ZC3H7B: variants seen among roughly 807,000 people sequenced by gnomAD.
ZC3H7B encodes the protein zinc finger CCCH-type containing 7B.
In ZC3H7B, 35 loss-of-function variants were observed where a neutral mutation model predicts 116.0. That is an observed-to-expected ratio of 0.30 (90% CI 0.23 to 0.40). The LOEUF (loss-of-function observed/expected upper bound fraction) is 0.40, where lower values mean the gene tolerates loss of function less well. ZC3H7B is among the 10% of genes least tolerant of loss of function. ZC3H7B has a pLI of 1.00. For synonymous variants in ZC3H7B, 502 were observed against 545.6 expected, an observed-to-expected ratio of 0.92 and a Z score of 1.11; for missense variants, 1,011 against 1,321.5, an observed-to-expected ratio of 0.77 and a Z score of 3.64.
chr22:41,317,664 G>T (rs1210335280), intron 1 of ZC3H7B, among the ~76,000 whole-genome samples: 1 of 152,060 alleles, frequency 6.6e-6, no homozygotes, highest in Non-Finnish European at 1.5e-5. Flanking sequence ...ATGTGTGGTG[G>T]TCCCAGCTAC....
chr22:41,310,206 C>T (rs2036100543), intron 1 of ZC3H7B, among the ~76,000 whole-genome samples: 1 of 152,026 alleles, frequency 6.6e-6, no homozygotes, highest in African/African-American at 2.4e-5. Flanking sequence ...CTCCGTAAAT[C>T]AACATTGAGT....
In ZC3H7B at chr22:41,357,183, G is replaced by A; in HGVS notation, c.2688G>A (p.Gln896=). 1 of 1,613,088 alleles carries A rather than the reference G, an allele frequency of 6.2e-7. No homozygotes were observed. Among genetic ancestry groups the A allele is most frequent in the Non-Finnish European group, 8.5e-7 (1 of 1,179,824 alleles). The change falls in exon 23 of 23, where the codon CAG becomes CAA. Residue 896 remains glutamine, a synonymous_variant. Coordinates refer to ENST00000352645, the MANE Select transcript of ZC3H7B (RefSeq NM_017590.6). This position sits in a 1 kb window ranked among gnomAD's most constrained non-coding sequence, Gnocchi z 5.4. ...AGCCTCCTGCCACCCACAGGCTCCAGAAGGGCAAAGCCTGCCCAGATGGGG... is the reference window on the plus strand; with the variant it reads ...AGCCTCCTGCCACCCACAGGCTCCAAAAGGGCAAAGCCTGCCCAGATGGGG... ...MGEFRLCDRL[Q]KGKACPDGDK...
At chr22:41,331,365 C>G (rs1375648753) in intron 6 of ZC3H7B, among the ~76,000 whole-genome samples, 1 of 149,102 alleles carries the variant, frequency 6.7e-6, no homozygotes, top group Non-Finnish European at 1.5e-5. Flanking sequence ...ACCATCCTGG[C>G]TAACGCAGTG....
At chr22:41,330,165 C>G in intron 6 of ZC3H7B, 62 bp downstream of exon 6, 1 of 1,572,638 alleles carries the variant, frequency 6.4e-7, no homozygotes, top group Non-Finnish European at 8.7e-7. Context: ...AAGGGAGGGA[C>G]CAGGCTCCGT....
rs758659694 is a variant in ZC3H7B at position 41,356,370 on chromosome 22, T to C, written c.2411T>C (p.Met804Thr). 4.3e-6 allele frequency: 7 copies of C among 1,614,064 alleles called. No homozygotes were observed. The Admixed American group carries it at 5.0e-5, about 12-fold the overall frequency. The part of the protein sequence containing the change: ...KILDMQQTYD[M>T]WLKKHNPGKP... Reference sequence around the variant, plus strand: ...CTGGACATGCAGCAGACCTATGACATGTGGCTGAAAAAACACAACCCAGGA... The same window carrying C: ...CTGGACATGCAGCAGACCTATGACACGTGGCTGAAAAAACACAACCCAGGA... Residue 804 changes from methionine (M) to threonine (T), a missense_variant, in exon 21 of 23, where the codon ATG becomes ACG. By Grantham distance (81) the Met-to-Thr change is moderately conservative. This residue lies in a region of ZC3H7B where 406 missense variants were observed against 590.2 expected (regional missense o/e 0.69). Transcript: ENST00000352645.
chr22:41,316,544 C>T (rs2036185802), intron 1 of ZC3H7B, among the ~76,000 whole-genome samples: 1 of 150,994 alleles, frequency 6.6e-6, no homozygotes, highest in South Asian at 2.1e-4. Context: ...GATCCACGCA[C>T]CTTGGCCTCC....
At chr22:41,356,317 G>A in intron 20 of ZC3H7B, 26 bp from the exon 21 acceptor site, 2 of 1,613,588 alleles carry the variant, frequency 1.2e-6, no homozygotes, top group African/African-American at 2.7e-5. Context: ...CCCTCAGCAG[G>A]TGCCCTGTCC....
intron 1 of ZC3H7B, among the ~76,000 whole-genome samples, chr22:41,306,865 CAG>C (rs2145893913): frequency 6.6e-6 from 1 of 152,122 alleles, no homozygotes; most frequent in African/African-American, 2.4e-5. Flanking sequence ...TGAGGTTATT[CAG>C]ACAGCAGCGG....
chr22:41,331,729 G>C (rs2036386866), intron 6 of ZC3H7B, among the ~76,000 whole-genome samples: 2 of 152,004 alleles, frequency 1.3e-5, no homozygotes, highest in African/African-American at 4.8e-5. Context: ...AAATTAGCCT[G>C]GTGTGGTGGT....
rs56378442 is a variant in ZC3H7B, at chr22:41,358,969, G to A, written c.*1540G>A. The A allele has an allele frequency of 2.8e-3, 432 of 154,840 alleles. 2 individuals carry two copies. The highest frequency in any genetic ancestry group is 3.8e-3 in the Non-Finnish European group (261 of 68,240). The allele number at this position is 154,840 out of a possible 1,614,324, so 9.6% of individuals were successfully genotyped here. ...TCTCAAGCAAGGATTGCCAGCGCGC[G>A]CTGACACAGTGATGGGCTGCCCAGG... On this transcript the variant is annotated 3_prime_UTR_variant, in exon 23 of 23. Transcript: ENST00000352645.
chr22:41,353,754 C>G (rs150911378), intron 17 of ZC3H7B, among the ~76,000 whole-genome samples: 1 of 152,224 alleles, frequency 6.6e-6, no homozygotes. Context: ...CCCACCACCT[C>G]GAGCATTCCC....
In ZC3H7B at chr22:41,357,205, G is replaced by C. The variant is rs1226001128; in HGVS notation, c.2710G>C (p.Gly904Arg). 1 of 1,613,434 alleles carries C rather than the reference G, an allele frequency of 6.2e-7. No homozygotes were observed. The highest frequency in any genetic ancestry group is 8.5e-7 in the Non-Finnish European group (1 of 1,179,976). ...RLQKGKACPD[G>R]DKCRCAHGQE... ...CCAGAAGGGCAAAGCCTGCCCAGAT[G>C]GGGACAAGTGCCGCTGCGCCCATGG... The change falls in exon 23 of 23, where the codon GGG becomes CGG. Residue 904 changes from glycine to arginine, a missense_variant. Physicochemically the swap from Gly to Arg is moderately radical, Grantham distance 125 (BLOSUM62 -2). This residue lies in a region of ZC3H7B where 406 missense variants were observed against 590.2 expected (regional missense o/e 0.69). Coordinates refer to ENST00000352645, the MANE Select transcript of ZC3H7B (RefSeq NM_017590.6). This position sits in a 1 kb window ranked among gnomAD's most constrained non-coding sequence, Gnocchi z 5.4.
chr22:41,338,468 C>A lies in ZC3H7B; in HGVS notation c.625+113C>A. On this transcript the variant is annotated intron_variant, in intron 8 of 22. Coordinates refer to ENST00000352645, the MANE Select transcript of ZC3H7B (RefSeq NM_017590.6). The surrounding 1 kb of genome is among the most constrained non-coding windows in gnomAD (Gnocchi z 4.5). The stretch of plus-strand genomic sequence containing the variant: ...GATGGGAGGGCCTCCGAGGGGTTCC[C>A]CACCCTGGTACTCCCTGAGGCATGG... The A allele has an allele frequency of 8.9e-7, 1 of 1,128,046 alleles. No homozygotes were observed. The highest frequency in any genetic ancestry group is 1.3e-6 in the Non-Finnish European group (1 of 771,170). 69.9% of individuals were successfully genotyped at this position (1,128,046 alleles called of 1,614,324 possible). A position where few individuals can be genotyped will look rare whatever the true frequency, so the allele number is the denominator to read the frequency against.
intron 1 of ZC3H7B, among the ~76,000 whole-genome samples, chr22:41,313,979 TCCTGA>T (rs1242695400): frequency 2.6e-5 from 4 of 151,630 alleles, no homozygotes; most frequent in Non-Finnish European, 4.4e-5. Context: ...GGTGTTGAAC[TCCTGA>T]CCTCAGGAGA....
At chr22:41,325,950 C>T in intron 4 of ZC3H7B, 32 bp downstream of exon 4, 1 of 1,570,328 alleles carries the variant, frequency 6.4e-7, no homozygotes, top group Non-Finnish European at 8.6e-7. Flanking sequence ...CTCTCCTCCT[C>T]TGCTGCCCTG....
rs1174279160 is a variant in ZC3H7B, at chr22:41,339,142, C to T, written c.767C>T (p.Ser256Leu). 8 of 1,613,002 alleles carry T rather than the reference C, an allele frequency of 5.0e-6. No homozygotes were observed. The highest frequency in any genetic ancestry group is 6.8e-6 in the Non-Finnish European group (8 of 1,179,582). ...AGCACCGACAGCCTGGATGACTTCTCAGACGGGGATGTCTTTGGCCCAGAG... is the reference window on the plus strand; with the variant it reads ...AGCACCGACAGCCTGGATGACTTCTTAGACGGGGATGTCTTTGGCCCAGAG... ...LPSTDSLDDFSDGDVFGPELD... is the reference protein window; with the variant it reads ...LPSTDSLDDFLDGDVFGPELD... The change falls in exon 9 of 23, where the codon TCA (serine) becomes TTA (leucine). Residue 256 changes from serine (S) to leucine (L), a missense_variant. Ser to Leu is a moderately radical substitution (Grantham distance 145, BLOSUM62 -2). Coordinates refer to ENST00000352645, the MANE Select transcript of ZC3H7B (RefSeq NM_017590.6).
chr22:41,307,381 A>T (rs936960001), intron 1 of ZC3H7B, among the ~76,000 whole-genome samples: 6 of 152,030 alleles, frequency 3.9e-5, no homozygotes, highest in African/African-American at 1.5e-4. Flanking sequence ...CATTCCCCCC[A>T]GGGAGACTGT....
rs543100319 is a variant in ZC3H7B, at chr22:41,302,692, G to A, written c.-7+920G>A. On this transcript the variant is annotated intron_variant, in intron 1 of 22. Transcript: ENST00000352645. This position sits in a 1 kb window ranked among gnomAD's most constrained non-coding sequence, Gnocchi z 5.7. ...TTAGGCGTTTATAAGGCGCCTGGTT[G>A]GGGGGACTTTCACAGACAAAGCCGT... is the stretch of plus-strand genomic sequence containing the variant. 3.5e-3 allele frequency among the ~76,000 whole-genome samples: 535 copies of A among 152,328 alleles called. 1 individual carries two copies. Among genetic ancestry groups the A allele is most frequent in the Non-Finnish European group, 5.6e-3 (380 of 68,026 alleles).
chr22:41,356,647 G>T lies in ZC3H7B; in HGVS notation c.2520G>T (p.Met840Ile). The T allele has an allele frequency of 6.2e-7, 1 of 1,613,354 alleles. No homozygotes were observed. Among genetic ancestry groups the T allele is most frequent in the Non-Finnish European group, 8.5e-7 (1 of 1,179,960 alleles). ...QMPTDYADIM[M>I]GYHCWLCGKN... ...ACCCATGATGGCTGTGCTCCCAGAT[G>T]GGCTACCACTGCTGGCTCTGCGGCA... Residue 840 changes from methionine (M) to isoleucine (I), a missense_variant and splice_region_variant, in exon 22 of 23, where the codon ATG becomes ATT. Met to Ile is a conservative substitution (Grantham distance 10). This residue lies in a region of ZC3H7B where 406 missense variants were observed against 590.2 expected (regional missense o/e 0.69). Transcript: ENST00000352645.
Sources: gnomAD v4.1 joint callset for allele counts (sites outside exome capture counted in the v4.1 genomes callset) on GRCh38, gnomAD v4.1.1 for gene constraint, gnomAD v4.1.1 regional missense constraint, Gnocchi (gnomAD v3.1) non-coding constraint, MANE v1.5 for transcripts, NCBI Gene and HGNC (gene_info 2026-07-23, HGNC 2026-07-21) for gene names.